The following DOCK10 variants were observed in gnomAD, a reference collection of about 807,000 sequenced individuals.
DOCK10 encodes the protein dedicator of cytokinesis protein 10.
A neutral mutation model predicts 280.1 loss-of-function variants in DOCK10; 145 were observed. The ratio of observed to expected loss-of-function variants is 0.52; its 90% CI spans 0.45 to 0.59. DOCK10 has a LOEUF of 0.59. DOCK10 is among the 20% of genes least tolerant of loss of function. The probability of loss-of-function intolerance (pLI) is 0.00; values close to 1 mark genes in which losing one functional copy is unlikely to be tolerated. For synonymous variants in DOCK10, 915 were observed against 942.2 expected (o/e 0.97, Z 0.53); for missense variants, 2,368 against 2,651.7 (o/e 0.89, Z 2.35).
At chr2:224,885,600 C>A (rs935859003) in intron 7 of DOCK10, 71 bp downstream of exon 7, 13 of 1,450,104 alleles carry the variant, frequency 9.0e-6, no homozygotes, top group Non-Finnish European at 1.2e-5. Flanking sequence ...ATCAGATACT[C>A]CATGAATATT....
intron 3 of DOCK10, among the ~76,000 whole-genome samples, chr2:224,904,621 A>G (rs547256718): frequency 8.5e-5 from 13 of 152,278 alleles, no homozygotes; most frequent in African/African-American, 3.1e-4. Context: ...AGAAAACAGC[A>G]TTCATTTTTA....
intron 1 of DOCK10, among the ~76,000 whole-genome samples, chr2:224,943,122 C>A (rs1450886760): frequency 6.6e-6 from 1 of 151,976 alleles, no homozygotes; most frequent in Non-Finnish European, 1.5e-5. Context: ...TGCAGACCAC[C>A]ACACACATTT....
At chr2:224,850,597 C>T (rs1233722240) in intron 18 of DOCK10, among the ~76,000 whole-genome samples, 2 of 152,130 alleles carry the variant, frequency 1.3e-5, no homozygotes, top group East Asian at 3.9e-4. Context: ...AGAATGGCTT[C>T]CTGAACAGGC....
At chr2:224,932,632 C>T (rs767841110) in intron 1 of DOCK10, among the ~76,000 whole-genome samples, 10 of 152,244 alleles carry the variant, frequency 6.6e-5, no homozygotes, top group South Asian at 2.1e-4. Flanking sequence ...AAAATTTGAA[C>T]GCTAAAGTGA....
chr2:224,980,379 TAA>T (rs750485882), intron 1 of DOCK10, among the ~76,000 whole-genome samples: 1 of 152,256 alleles, frequency 6.6e-6, no homozygotes, highest in East Asian at 1.9e-4. Flanking sequence ...GTTTGTAGAC[TAA>T]GTGTCACAAT....
At chr2:224,815,692 A>G (rs1054438628) in intron 30 of DOCK10, among the ~76,000 whole-genome samples, 4 of 152,178 alleles carry the variant, frequency 2.6e-5, no homozygotes, top group Admixed American at 2.0e-4. Context: ...AAGGAAGTAT[A>G]ATGAGGCTCT....
intron 33 of DOCK10, among the ~76,000 whole-genome samples, 155 bp from the exon 34 acceptor site, chr2:224,806,392 C>G (rs1693396781): frequency 6.6e-6 from 1 of 152,086 alleles, no homozygotes; most frequent in Non-Finnish European, 1.5e-5. Context: ...GCAGTGAAAA[C>G]AAATACAGCC....
At chr2:224,773,584 C>G (rs562249765) in intron 52 of DOCK10, among the ~76,000 whole-genome samples, 1 of 152,162 alleles carries the variant, frequency 6.6e-6, no homozygotes, top group East Asian at 1.9e-4. Flanking sequence ...CTAACAGGCC[C>G]TCATTCTCAG....
chr2:224,845,402 T>C, intron 20 of DOCK10, 78 bp from the exon 21 acceptor site: 1 of 1,532,950 alleles, frequency 6.5e-7, no homozygotes, highest in Non-Finnish European at 8.8e-7. Flanking sequence ...TATTTATTAT[T>C]TACGAACACT....
At chr2:224,884,878 A>T (rs1415774451) in intron 7 of DOCK10, among the ~76,000 whole-genome samples, 2 of 152,206 alleles carry the variant, frequency 1.3e-5, no homozygotes, top group Admixed American at 6.5e-5. Context: ...GAATTTCATT[A>T]TCTCAGGGGT....
At position 224,793,043 on chromosome 2, in the gene DOCK10, C is replaced by T; in HGVS notation, c.5242G>A (p.Ala1748Thr). ...GYWKVEKICT[A>T]SLLSEDTHPC... ...TGGGTATCCTCCGAGAGCAGGGATGCTGTGCAAATCTTTTCCACTTTCCAG... is the reference window on the plus strand; with the variant it reads ...TGGGTATCCTCCGAGAGCAGGGATGTTGTGCAAATCTTTTCCACTTTCCAG... Residue 1748 changes from alanine (A) to threonine (T), a missense_variant, in exon 47 of 56, where the codon GCA becomes ACA. Ala to Thr is a moderately conservative substitution (Grantham distance 58). Coordinates refer to ENST00000258390, the MANE Select transcript of DOCK10 (RefSeq NM_014689.3). The T allele has an allele frequency of 6.2e-7, 1 of 1,613,310 alleles. No homozygotes were observed. Among genetic ancestry groups the T allele is most frequent in the Non-Finnish European group, 8.5e-7 (1 of 1,179,552 alleles).
intron 4 of DOCK10, among the ~76,000 whole-genome samples, chr2:224,896,088 A>G (rs1289735617): frequency 6.6e-6 from 1 of 152,202 alleles, no homozygotes; most frequent in Non-Finnish European, 1.5e-5. Context: ...AAATCAGAGT[A>G]TATTTATATC....
intron 1 of DOCK10, among the ~76,000 whole-genome samples, chr2:224,997,255 G>A (rs562113174): frequency 4.8e-4 from 59 of 122,718 alleles, no homozygotes; most frequent in Admixed American, 1.5e-3. Context: ...CCTTTCTTTC[G>A]GAGTCTCACT....
intron 28 of DOCK10, among the ~76,000 whole-genome samples, chr2:224,821,458 T>A (rs1694499215): frequency 6.6e-6 from 1 of 152,202 alleles, no homozygotes; most frequent in Non-Finnish European, 1.5e-5. Flanking sequence ...AAACTCAAAT[T>A]TATTGGAATT....
intron 1 of DOCK10, among the ~76,000 whole-genome samples, chr2:224,961,621 C>G (rs1402553588): frequency 6.6e-6 from 1 of 151,598 alleles, no homozygotes; most frequent in Non-Finnish European, 1.5e-5. Flanking sequence ...ATTCTCCTGC[C>G]TCAGCCTCCT....
chr2:224,814,923 A>G (rs1349066694), intron 30 of DOCK10, among the ~76,000 whole-genome samples: 2 of 152,140 alleles, frequency 1.3e-5, no homozygotes, highest in African/African-American at 4.8e-5. Context: ...CTGCTATGAA[A>G]CATATTTTTA....
chr2:224,861,987 AT>A, intron 14 of DOCK10: 2 of 152,374 alleles, frequency 1.3e-5, no homozygotes, highest in African/African-American at 4.8e-5. Context: ...CACTTAAGAA[AT>A]TCTTACACTA....
chr2:224,882,924 C>T (rs1207732902), intron 7 of DOCK10, among the ~76,000 whole-genome samples: 3 of 152,138 alleles, frequency 2.0e-5, no homozygotes, highest in Non-Finnish European at 4.4e-5. Flanking sequence ...GAACTGGGAC[C>T]CACACACAAA....
chr2:224,963,394 G>A (rs1704557206), intron 1 of DOCK10, among the ~76,000 whole-genome samples: 1 of 152,202 alleles, frequency 6.6e-6, no homozygotes, highest in African/African-American at 2.4e-5. Context: ...TTTCTCAAAT[G>A]TGAATCATGT....
Sources: gnomAD v4.1 joint callset for allele counts (sites outside exome capture counted in the v4.1 genomes callset) on GRCh38, gnomAD v4.1.1 for gene constraint, MANE v1.5 for transcripts, NCBI Gene and HGNC (gene_info 2026-07-23, HGNC 2026-07-21) for gene names.